Variants in ODF2L observed in about 807,000 individuals in gnomAD.
The protein encoded by ODF2L is outer dense fiber of sperm tails 2 like.
In ODF2L, 76 loss-of-function variants were observed where a neutral mutation model predicts 86.3. The ratio of observed to expected loss-of-function variants is 0.88; its 90% confidence interval spans 0.73 to 1.07. The LOEUF is 1.07. ODF2L is among the 50% of genes least tolerant of loss of function. The pLI, the probability that ODF2L is intolerant of heterozygous loss-of-function variation, is 0.00. For missense variants in ODF2L, 748 were observed against 717.4 expected, an observed-to-expected ratio of 1.04 and a Z score of -0.49; for synonymous variants, 241 against 231.3, an observed-to-expected ratio of 1.04 and a Z score of -0.38.
chr1:86,378,852 T>C (rs1402630034), intron 7 of ODF2L, among the ~76,000 whole-genome samples: 1 of 151,754 alleles, frequency 6.6e-6, no homozygotes, highest in African/African-American at 2.4e-5. Context: ...AGCCAAACTA[T>C]ATAGGTTTGG....
intron 11 of ODF2L, chr1:86,360,813 A>G (rs1658981726): frequency 9.8e-6 from 2 of 204,740 alleles, no homozygotes; most frequent in Non-Finnish European, 9.6e-6. Flanking sequence ...TGAAAAATCA[A>G]TAGAATACAG....
chr1:86,358,794 A>C, exon 13 of ODF2L: 1 of 1,312,470 alleles, frequency 7.6e-7, no homozygotes, highest in Non-Finnish European at 1.1e-6. Flanking sequence ...TACCTTCTCT[A>C]CATTTTTATT....
In ODF2L at chr1:86,354,105, G is replaced by A. The variant is rs546078958; in HGVS notation, c.1767+425C>T. Among the ~76,000 whole-genome samples the A allele has an allele frequency of 1.5e-4, 23 of 152,274 alleles. No individual in the cohort carries two copies. The South Asian group carries it at 3.9e-3, about 26-fold the overall frequency. ...CAGATTGCCTGATACTGAAGTATTC[G>A]TTGAATGCTAACCTAATGGATGTAA... On this transcript the variant is annotated intron_variant, in intron 16 of 17. Coordinates refer to ENST00000317336, the Ensembl canonical transcript of ODF2L.
chr1:86,379,435 G>A (rs1660412579), intron 7 of ODF2L, among the ~76,000 whole-genome samples: 1 of 152,098 alleles, frequency 6.6e-6, no homozygotes, highest in Non-Finnish European at 1.5e-5. Flanking sequence ...GATTAACTCA[G>A]ATAGTTTTTT....
exon 18 of ODF2L, chr1:86,352,012 G>C: frequency 7.7e-7 from 1 of 1,293,760 alleles, no homozygotes; most frequent in Non-Finnish European, 9.8e-7. Context: ...TTAAAAAAAA[G>C]TTTAGAAATA....
At chr1:86,371,080 T>G in exon 10 of ODF2L, 3 of 1,563,356 alleles carry the variant, frequency 1.9e-6, no homozygotes, top group Non-Finnish European at 2.6e-6. Flanking sequence ...TGAACTTTTC[T>G]AAGAATTTCT....
At chr1:86,395,653 T>G (rs2101640899) in intron 1 of ODF2L, among the ~76,000 whole-genome samples, 1 of 152,274 alleles carries the variant, frequency 6.6e-6, no homozygotes, top group East Asian at 1.9e-4. Context: ...TCCTACAATC[T>G]GATATATCAC....
chr1:86,380,634 T>A (rs1660516324), intron 7 of ODF2L, among the ~76,000 whole-genome samples: 1 of 152,198 alleles, frequency 6.6e-6, no homozygotes, highest in Non-Finnish European at 1.5e-5. Context: ...ATTATTTTTA[T>A]AATTTAAAAA....
At chr1:86,361,902 A>T (rs77561997) in intron 11 of ODF2L, among the ~76,000 whole-genome samples, 3 of 152,260 alleles carry the variant, frequency 2.0e-5, no homozygotes, top group Middle Eastern at 6.8e-3. Context: ...TCCTCCATGA[A>T]GCTTACATAC....
At chr1:86,348,798 C>G, downstream of ODF2L, 2 of 1,549,130 alleles carry the variant, frequency 1.3e-6, no homozygotes, top group East Asian at 2.4e-5. Flanking sequence ...GTAAATAATT[C>G]TTAATACTCT....
rs146159109 is a variant in ODF2L, at chr1:86,367,944, G to C, written c.1143+692C>G. Among the ~76,000 whole-genome samples, 863 of 152,298 alleles carry C rather than the reference G, an allele frequency of 5.7e-3. 3 individuals are homozygous for C. The highest frequency in any genetic ancestry group is 9.7e-3 in the Non-Finnish European group (657 of 68,018). On this transcript the variant is annotated intron_variant, in intron 11 of 17. Transcript: ENST00000317336. ...TAGTATTGGTAAGCAGGGGAATGAT[G>C]TATAACAAAGAAGCAACTTTTGTTC...
At chr1:86,365,604 T>G (rs1159201746) in intron 11 of ODF2L, among the ~76,000 whole-genome samples, 1 of 152,182 alleles carries the variant, frequency 6.6e-6, no homozygotes, top group African/African-American at 2.4e-5. Context: ...AAAATCTCCC[T>G]TCATTCCCAA....
intron 1 of ODF2L, among the ~76,000 whole-genome samples, chr1:86,388,338 TCTA>T (rs1383732764): frequency 6.6e-6 from 1 of 152,122 alleles, no homozygotes; most frequent in Non-Finnish European, 1.5e-5. Flanking sequence ...AGAACCATCA[TCTA>T]CTAATTCATT....
At chr1:86,347,617 G>A (rs1356996698), downstream of ODF2L, 7 of 152,258 alleles carry the variant, frequency 4.6e-5, no homozygotes, top group East Asian at 1.4e-3. Flanking sequence ...AAAGTGAGGG[G>A]ATCAGAGGGG....
chr1:86,382,929 A>G lies in ODF2L; in HGVS notation c.507+2T>C. The G allele has an allele frequency of 1.3e-6, 2 of 1,504,506 alleles. No homozygotes were observed. Among genetic ancestry groups the G allele is most frequent in the Non-Finnish European group, 1.8e-6 (2 of 1,084,216 alleles). 93.2% of individuals were successfully genotyped at this position (1,504,506 alleles called of 1,614,324 possible). ...AAGCTCAAAAGCTCAAATTTTGCTTACCTTTTCACTCTGAAACAAACAAGA... is the reference window on the plus strand; with the variant it reads ...AAGCTCAAAAGCTCAAATTTTGCTTGCCTTTTCACTCTGAAACAAACAAGA... On this transcript the variant is annotated splice_donor_variant, in intron 6 of 17. Coordinates refer to ENST00000317336, the Ensembl canonical transcript of ODF2L. LOFTEE classifies it high-confidence loss of function.
At chr1:86,386,540 C>T (rs1660965602) in intron 2 of ODF2L, 1 of 166,362 alleles carries the variant, frequency 6.0e-6, no homozygotes, top group Non-Finnish European at 1.3e-5. Flanking sequence ...CACACGCTAC[C>T]ACATCTGGCT....
chr1:86,355,678 T>C (rs1472591460), intron 14 of ODF2L, among the ~76,000 whole-genome samples: 1 of 152,124 alleles, frequency 6.6e-6, no homozygotes, highest in Non-Finnish European at 1.5e-5. Flanking sequence ...CCTCTCCCTC[T>C]TCCCACTCTC....
chr1:86,392,856 C>G (rs1233369113), intron 1 of ODF2L, among the ~76,000 whole-genome samples: 2 of 152,108 alleles, frequency 1.3e-5, no homozygotes, highest in African/African-American at 4.8e-5. Flanking sequence ...TAAAGATGAG[C>G]AATTTTAAAA....
chr1:86,364,385 C>T (rs907089380), intron 11 of ODF2L, among the ~76,000 whole-genome samples: 2 of 152,052 alleles, frequency 1.3e-5, no homozygotes, highest in Non-Finnish European at 2.9e-5. Context: ...GAGGAAGTAG[C>T]ATTTGAGCTA....
Sources: gnomAD v4.1 joint callset for allele counts (sites outside exome capture counted in the v4.1 genomes callset) on GRCh38, gnomAD v4.1.1 for gene constraint, MANE v1.5 for transcripts, NCBI Gene and HGNC (gene_info 2026-07-23, HGNC 2026-07-21) for gene names.